The following DSCAML1 variants were observed in gnomAD, a reference collection of about 807,000 sequenced individuals.
The protein encoded by DSCAML1 is DS cell adhesion molecule like 1.
DSCAML1 carries 38 observed loss-of-function variants against 200.5 expected under a neutral mutation model. That is an observed-to-expected ratio of 0.19 (90% CI 0.15 to 0.25). DSCAML1 has a LOEUF of 0.25. Among genes scored for constraint, DSCAML1 ranks in the 10% least tolerant of loss-of-function variants. DSCAML1 has a pLI of 1.00. For synonymous variants in DSCAML1, 1,215 were observed against 1,165.0 expected, an observed-to-expected ratio of 1.04 and a Z score of -0.87; for missense variants, 2,223 against 2,858.8, an observed-to-expected ratio of 0.78 and a Z score of 5.07.
At chr11:117,471,621 TG>T (rs1353946793) in intron 15 of DSCAML1, among the ~76,000 whole-genome samples, 1 of 152,202 alleles carries the variant, frequency 6.6e-6, no homozygotes. Flanking sequence ...TTCCAGATGC[TG>T]GGGCCAGGGG....
intron 3 of DSCAML1, among the ~76,000 whole-genome samples, chr11:117,637,273 T>C (rs1284756764): frequency 6.6e-6 from 1 of 152,194 alleles, no homozygotes. Context: ...ACTATGAGTT[T>C]CTTAACAGCA....
chr11:117,632,169 G>C (rs781183148), intron 3 of DSCAML1, among the ~76,000 whole-genome samples: 3 of 152,226 alleles, frequency 2.0e-5, no homozygotes, highest in Non-Finnish European at 2.9e-5. Context: ...AGAGTTAGGA[G>C]AGACATCAGC....
chr11:117,461,192 C>T (rs1316689353), intron 18 of DSCAML1, among the ~76,000 whole-genome samples: 3 of 151,426 alleles, frequency 2.0e-5, no homozygotes, highest in Admixed American at 6.6e-5. Context: ...ACCCTAGGTA[C>T]CACCCCCCCA....
At chr11:117,559,681 A>G (rs1377767175) in intron 3 of DSCAML1, among the ~76,000 whole-genome samples, 2 of 152,094 alleles carry the variant, frequency 1.3e-5, no homozygotes, top group Admixed American at 6.5e-5. Flanking sequence ...AGGCAGGCAG[A>G]CCCAAGTTTG....
chr11:117,729,456 G>A lies in DSCAML1; in HGVS notation c.511+47335C>T, dbSNP rs78305425. Among the ~76,000 whole-genome samples, 764 of 152,116 alleles carry A rather than the reference G, an allele frequency of 5.0e-3. 48 individuals are homozygous for A. The East Asian group carries it at 0.13, about 26-fold the overall frequency. On this transcript the variant is annotated intron_variant, in intron 3 of 32. Coordinates refer to ENST00000651296, the MANE Select transcript of DSCAML1 (RefSeq NM_020693.4). ...ATCATAATAAAATGTTTTGCACTTC[G>A]AGAAAGTGCAAAAGACACCATCAAG... is the stretch of plus-strand genomic sequence containing the variant.
intron 3 of DSCAML1, among the ~76,000 whole-genome samples, chr11:117,607,878 A>G (rs751162633): frequency 2.0e-5 from 3 of 152,226 alleles, no homozygotes; most frequent in Non-Finnish European, 4.4e-5. Flanking sequence ...AGGGAAAAAG[A>G]GTCTTAATAA....
At chr11:117,442,038 G>GTATA (rs1555168545) in intron 21 of DSCAML1, among the ~76,000 whole-genome samples, 1 of 80,332 alleles carries the variant, frequency 1.2e-5, no homozygotes, top group African/African-American at 4.4e-5. Context: ...GTGTATGTGT[G>GTATA]TGTGTGTGTT....
chr11:117,500,341 A>G (rs1258185620), intron 11 of DSCAML1, among the ~76,000 whole-genome samples: 1 of 152,064 alleles, frequency 6.6e-6, no homozygotes, highest in Non-Finnish European at 1.5e-5. Flanking sequence ...GTGTCTGTCT[A>G]TTTCCTCTTC....
intron 2 of DSCAML1, among the ~76,000 whole-genome samples, chr11:117,778,267 G>A (rs542082740): frequency 6.6e-6 from 1 of 152,362 alleles, no homozygotes; most frequent in South Asian, 2.1e-4. Context: ...CCTTCCAAAG[G>A]TTTGGGCAGA....
At chr11:117,801,731 G>T (rs573935667), upstream of DSCAML1, 1 of 152,326 alleles carries the variant, frequency 6.6e-6, no homozygotes, top group East Asian at 1.9e-4. Flanking sequence ...GATCACTGGA[G>T]CAAAGGGTCT....
intron 7 of DSCAML1, among the ~76,000 whole-genome samples, chr11:117,517,232 G>A (rs1791771766): frequency 2.6e-5 from 4 of 152,200 alleles, no homozygotes; most frequent in African/African-American, 9.7e-5. Flanking sequence ...TCTTCGCCAG[G>A]TGAGCTGATG....
At chr11:117,610,285 A>G (rs1417845621) in intron 3 of DSCAML1, among the ~76,000 whole-genome samples, 1 of 152,160 alleles carries the variant, frequency 6.6e-6, no homozygotes, top group Non-Finnish European at 1.5e-5. Context: ...TTTTGCGGCT[A>G]CAACTATATT....
intron 1 of DSCAML1, among the ~76,000 whole-genome samples, chr11:117,807,920 C>T (rs1208789312): frequency 6.6e-6 from 1 of 152,192 alleles, no homozygotes; most frequent in African/African-American, 2.4e-5. Flanking sequence ...CTCCTGGGTT[C>T]AAATGATTCT....
chr11:117,816,494 G>T (rs2055808251), intron 1 of DSCAML1, among the ~76,000 whole-genome samples: 1 of 152,254 alleles, frequency 6.6e-6, no homozygotes. Context: ...GGCCCCTGAT[G>T]AATTGCAGTT....
At chr11:117,573,665 C>T (rs1340887590) in intron 3 of DSCAML1, among the ~76,000 whole-genome samples, 7 of 152,242 alleles carry the variant, frequency 4.6e-5, no homozygotes, top group African/African-American at 1.7e-4. Context: ...CACTTCAGTG[C>T]CATGCAGCAA....
intron 2 of DSCAML1, among the ~76,000 whole-genome samples, chr11:117,778,175 G>A (rs1040800107): frequency 6.6e-6 from 1 of 152,228 alleles, no homozygotes; most frequent in African/African-American, 2.4e-5. Context: ...AGCTGTGGCT[G>A]TGATGAGGAG....
chr11:117,623,435 C>T (rs1444162747), intron 3 of DSCAML1, among the ~76,000 whole-genome samples: 3 of 152,026 alleles, frequency 2.0e-5, no homozygotes, highest in Admixed American at 1.3e-4. Flanking sequence ...AGGCAGGTCT[C>T]GAACTCCTGA....
chr11:117,603,418 G>C (rs1022363545), intron 3 of DSCAML1, among the ~76,000 whole-genome samples: 1 of 152,134 alleles, frequency 6.6e-6, no homozygotes, highest in Non-Finnish European at 1.5e-5. Flanking sequence ...TCTTTGCTCC[G>C]TCATCTGCTC....
intron 1 of DSCAML1, among the ~76,000 whole-genome samples, chr11:117,792,647 GC>G (rs1366796964): frequency 6.6e-6 from 1 of 152,080 alleles, no homozygotes; most frequent in Non-Finnish European, 1.5e-5. Context: ...ACACCCCCAT[GC>G]CATCAGCAAC....
Sources: allele counts gnomAD v4.1 joint callset (sites outside exome capture counted in the v4.1 genomes callset), GRCh38; gene constraint gnomAD v4.1.1; transcripts MANE v1.5; gene names NCBI Gene and HGNC (gene_info 2026-07-23, HGNC 2026-07-21).